The following N4BP2L2 variants were observed in gnomAD, a reference collection of about 807,000 sequenced individuals.
N4BP2L2 encodes the protein NEDD4 binding protein 2 like 2, also known as NEDD4-binding protein 2-like 2.
N4BP2L2 carries 50 observed loss-of-function variants against 56.2 expected under a neutral mutation model. The observed-to-expected ratio is 0.89, with a 90% CI of 0.71 to 1.13. The LOEUF (loss-of-function observed/expected upper bound fraction) is 1.13. Ranked by LOEUF, N4BP2L2 falls within the 50% of genes most tolerant of loss-of-function variation. The pLI, the probability that N4BP2L2 is intolerant of heterozygous loss-of-function variation, is 0.00. For missense variants in N4BP2L2, 689 were observed against 693.8 expected (o/e 0.99, Z 0.08); for synonymous variants, 203 against 223.6 (o/e 0.91, Z 0.82).
chr13:32,436,211 T>C (rs377116977), intron 9 of N4BP2L2: 1 of 400,448 alleles, frequency 2.5e-6, no homozygotes, highest in African/African-American at 2.1e-5. Context: ...ACATGTATAA[T>C]AGCACACAAG....
exon 7 of N4BP2L2, chr13:32,444,064 T>C (rs1307099031): frequency 6.3e-7 from 1 of 1,593,410 alleles, no homozygotes; most frequent in Admixed American, 1.7e-5. Context: ...TTTGTTTCTT[T>C]TTCTGTTCCT....
At chr13:32,536,418 C>T in exon 2 of N4BP2L2, 8 of 1,613,900 alleles carry the variant, frequency 5.0e-6, no homozygotes, top group Non-Finnish European at 6.8e-6. Flanking sequence ...TAAAATGGAA[C>T]AAATTGTTCC....
rs374493741 is a variant in N4BP2L2, at chr13:32,490,321, G to C, written c.365+27536C>G. 1.2e-3 allele frequency among the ~76,000 whole-genome samples: 189 copies of C among 151,964 alleles called. 1 individual carries two copies. Among genetic ancestry groups the C allele is most frequent in the Middle Eastern group, 6.8e-3 (2 of 294 alleles). On this transcript the variant is annotated intron_variant, in intron 6 of 9. Coordinates refer to the N4BP2L2 transcript ENST00000357505. ...GTTTTTTTGTTTGTTTGTTTGTTTTGGAGATGGAGTTTCGCTCTCGTCACC... is the reference window on the plus strand; with the variant it reads ...GTTTTTTTGTTTGTTTGTTTGTTTTCGAGATGGAGTTTCGCTCTCGTCACC...
At chr13:32,456,126 C>A (rs1222653088) in intron 6 of N4BP2L2, among the ~76,000 whole-genome samples, 4 of 152,084 alleles carry the variant, frequency 2.6e-5, no homozygotes, top group African/African-American at 4.8e-5. Context: ...CCCAGAGGCC[C>A]AAGGATAGGC....
At chr13:32,521,417 A>C in exon 5 of N4BP2L2, 1 of 1,613,264 alleles carries the variant, frequency 6.2e-7, no homozygotes, top group South Asian at 1.1e-5. Context: ...TTTCAGGTTC[A>C]TGAAACTCTA....
intron 6 of N4BP2L2, chr13:32,446,407 A>T: frequency 7.3e-7 from 1 of 1,363,922 alleles, no homozygotes. Context: ...AATGTCAGTT[A>T]TGAAATTCAT....
rs1201085359 is a variant in N4BP2L2, at chr13:32,538,777, C to T, written c.-160G>A. The stretch of plus-strand genomic sequence containing the variant: ...CTCAGAATCGCGGTAACAAACCTCA[C>T]CTCCGTACGCAAGATGGCGGTCACC... On this transcript the variant is annotated 5_prime_UTR_variant, in exon 1 of 6. In the 5' UTR this introduces an upstream ATG that the reference lacks. Transcript: ENST00000267068. 14 of 985,346 alleles carry T rather than the reference C, an allele frequency of 1.4e-5. No homozygotes were observed. The highest frequency in any genetic ancestry group is 1.1e-4 in the East Asian group (1 of 8,826). 61.0% of individuals were successfully genotyped at this position (985,346 alleles called of 1,614,324 possible).
At chr13:32,441,730 AATAAATAT>A (rs1280720603) in intron 7 of N4BP2L2, among the ~76,000 whole-genome samples, 1 of 132,194 alleles carries the variant, frequency 7.6e-6, no homozygotes, top group African/African-American at 3.2e-5. Context: ...TAAATAAATA[AATAAATAT>A]AAAAAAAGAA....
At chr13:32,449,655 T>C (rs1370759299) in intron 6 of N4BP2L2, among the ~76,000 whole-genome samples, 10 of 152,212 alleles carry the variant, frequency 6.6e-5, no homozygotes, top group Non-Finnish European at 1.0e-4. Context: ...GCTTTAATTA[T>C]AAATAAAGCA....
At chr13:32,510,881 A>G (rs968073049) in exon 6 of N4BP2L2, 2 of 152,156 alleles carry the variant, frequency 1.3e-5, no homozygotes, top group African/African-American at 4.8e-5. Flanking sequence ...CTGATAAATC[A>G]ACATACCTTA....
intron 6 of N4BP2L2, among the ~76,000 whole-genome samples, chr13:32,490,499 C>T (rs207638): frequency 0.8 from 122,143 of 152,026 alleles, 49,362 homozygotes; most frequent in African/African-American, 0.84. Flanking sequence ...GAGACTAGGT[C>T]TCACTATGTT....
chr13:32,454,702 G>A (rs189702782), intron 6 of N4BP2L2, among the ~76,000 whole-genome samples: 1 of 152,344 alleles, frequency 6.6e-6, no homozygotes, highest in Non-Finnish European at 1.5e-5. Context: ...ATAGATGGAA[G>A]TTAGAAGGAG....
At chr13:32,509,680 G>C (rs769778515), downstream of N4BP2L2, among the ~76,000 whole-genome samples, 7 of 151,996 alleles carry the variant, frequency 4.6e-5, no homozygotes, top group Admixed American at 6.5e-5. Context: ...CTGCATCTCT[G>C]CCAAGGGTTA....
chr13:32,445,247 A>G (rs925330174), intron 6 of N4BP2L2, among the ~76,000 whole-genome samples: 3 of 151,488 alleles, frequency 2.0e-5, no homozygotes, highest in South Asian at 2.1e-4. Flanking sequence ...CAAGACTCCA[A>G]CTGAATAAAT....
At chr13:32,486,652 G>T (rs1157739048) in intron 6 of N4BP2L2, among the ~76,000 whole-genome samples, 1 of 151,430 alleles carries the variant, frequency 6.6e-6, no homozygotes, top group Admixed American at 6.6e-5. Context: ...CTCCAACCTG[G>T]GCAACAGAGC....
chr13:32,457,505 A>G (rs1292976505), intron 6 of N4BP2L2, among the ~76,000 whole-genome samples: 2 of 152,198 alleles, frequency 1.3e-5, no homozygotes, highest in Non-Finnish European at 2.9e-5. Flanking sequence ...ATATAAGGGA[A>G]CTCCTATCAG....
intron 6 of N4BP2L2, among the ~76,000 whole-genome samples, chr13:32,463,823 T>C (rs2080691140): frequency 6.8e-6 from 1 of 147,408 alleles, no homozygotes; most frequent in Admixed American, 7.0e-5. Context: ...CCAGTAAAAC[T>C]ATCCTTCAGA....
Position 32,458,769 on chromosome 13 carries a change from C to T in N4BP2L2, c.366-14643G>A, listed in dbSNP as rs9595557. Among the ~76,000 whole-genome samples, 918 of 152,284 alleles carry T rather than the reference C, an allele frequency of 6.0e-3. 13 individuals are homozygous for T. Among genetic ancestry groups the T allele is most frequent in the African/African-American group, 0.021 (870 of 41,550 alleles). ...ATTAACAAAAAACATAAGATTTAAA[C>T]TGCACTTTAGACCAAATGGACCTAA... On this transcript the variant is annotated intron_variant, in intron 6 of 9. Transcript: ENST00000357505.
chr13:32,522,855 A>G (rs931124745), intron 3 of N4BP2L2: 1 of 152,196 alleles, frequency 6.6e-6, no homozygotes, highest in African/African-American at 2.4e-5. Flanking sequence ...TGTATTTTCT[A>G]ATTTTCTACA....
Sources: allele counts gnomAD v4.1 joint callset (sites outside exome capture counted in the v4.1 genomes callset), GRCh38; gene constraint gnomAD v4.1.1; transcripts MANE v1.5; gene names NCBI Gene and HGNC (gene_info 2026-07-23, HGNC 2026-07-21).